Variants in FALEC observed in about 807,000 individuals in gnomAD.
FALEC encodes focally amplified lncRNA regulator of ECM1, also known as focally amplified lncRNA on chromosome 1.
At chr1:150,516,403 C>T (rs1670570373) in intron 1 of FALEC, among the ~76,000 whole-genome samples, 1 of 152,106 alleles carries the variant, frequency 6.6e-6, no homozygotes, top group Non-Finnish European at 1.5e-5. Context: ...TTTAGTCTGT[C>T]GGGGAGGAGA....
At chr1:150,532,682 C>T in the FALEC span, among the ~76,000 whole-genome samples, 5 of 151,908 alleles carry the variant, frequency 3.3e-5, no homozygotes, top group African/African-American at 9.7e-5. Flanking sequence ...ATAGTGTGTG[C>T]GCCAGGCCCT....
the FALEC span, among the ~76,000 whole-genome samples, chr1:150,529,041 C>CAAAAAAAAAAAAAAG: frequency 1.7e-5 from 1 of 58,676 alleles, no homozygotes; most frequent in Admixed American, 1.4e-4. Context: ...AAAAAAAAAT[C>CAAAAAAAAAAAAAAG]AAAGGATCTA....
the FALEC span, among the ~76,000 whole-genome samples, chr1:150,533,728 T>C: frequency 1.4e-3 from 217 of 152,102 alleles, no homozygotes; most frequent in Non-Finnish European, 2.1e-3. Flanking sequence ...TGAGCCACCG[T>C]GCCCAGCCTG....
the FALEC span, among the ~76,000 whole-genome samples, chr1:150,531,618 A>G: frequency 3.9e-5 from 6 of 152,250 alleles, no homozygotes; most frequent in Admixed American, 2.6e-4. Context: ...CTCTAGTGAC[A>G]ATCCAGGAAG....
At chr1:150,522,088 T>G (rs1028525467), downstream of FALEC, among the ~76,000 whole-genome samples, 7 of 151,404 alleles carry the variant, frequency 4.6e-5, no homozygotes, top group Non-Finnish European at 8.8e-5. Context: ...CTACTAAAAA[T>G]ACAAAAAAAT....
chr1:150,519,965 C>T (rs1312620213), downstream of FALEC, among the ~76,000 whole-genome samples: 2 of 152,020 alleles, frequency 1.3e-5, no homozygotes, highest in Non-Finnish European at 2.9e-5. Flanking sequence ...CCAGCCTGAC[C>T]ATGGAGAAAC....
chr1:150,534,250 C>T, the FALEC span, among the ~76,000 whole-genome samples: 6 of 152,170 alleles, frequency 3.9e-5, no homozygotes, highest in Admixed American at 3.3e-4. Flanking sequence ...TGCAGCTGCC[C>T]TGCAGGTGTG....
chr1:150,531,587 T>G, the FALEC span, among the ~76,000 whole-genome samples: 34,425 of 152,106 alleles, frequency 0.23, 4,133 homozygotes, highest in East Asian at 0.43. Flanking sequence ...AAATCAGGCC[T>G]GCAAGAAGCC....
At chr1:150,522,967 A>ATTTTTT (rs1435955699), downstream of FALEC, among the ~76,000 whole-genome samples, 1 of 35,852 alleles carries the variant, frequency 2.8e-5, no homozygotes, top group Non-Finnish European at 5.5e-5. Context: ...ATATATATAT[A>ATTTTTT]TATATATATA....
At chr1:150,518,599 G>A (rs1273067102), downstream of FALEC, among the ~76,000 whole-genome samples, 2 of 151,362 alleles carry the variant, frequency 1.3e-5, no homozygotes, top group Non-Finnish European at 2.9e-5. Flanking sequence ...TGTCGTTCAG[G>A]CTAGTCCCGA....
chr1:150,525,506 A>T, the FALEC span, among the ~76,000 whole-genome samples: 1 of 152,186 alleles, frequency 6.6e-6, no homozygotes, highest in African/African-American at 2.4e-5. Context: ...CTGGAAAAAA[A>T]AAATCCAGTC....
At chr1:150,528,175 G>T in the FALEC span, among the ~76,000 whole-genome samples, 2 of 152,090 alleles carry the variant, frequency 1.3e-5, no homozygotes, top group African/African-American at 4.8e-5. Flanking sequence ...AAAGAGAGCT[G>T]TTGAGGAACC....
At chr1:150,527,059 C>A in the FALEC span, among the ~76,000 whole-genome samples, 1 of 151,346 alleles carries the variant, frequency 6.6e-6, no homozygotes, top group Non-Finnish European at 1.5e-5. Context: ...TCTCAGCCTC[C>A]CTCCCGAGAA....
the FALEC span, among the ~76,000 whole-genome samples, chr1:150,530,042 G>A: frequency 6.6e-6 from 1 of 152,172 alleles, no homozygotes; most frequent in East Asian, 1.9e-4. Context: ...TGGATCCACT[G>A]CTGTGGATCA....
chr1:150,522,962 TATATATATATATATATATA>T (rs1670673215), downstream of FALEC, among the ~76,000 whole-genome samples: 2 of 29,548 alleles, frequency 6.8e-5, no homozygotes, highest in South Asian at 1.7e-3. Flanking sequence ...TATATATATA[TATATATATATATATATATA>T]TATTTTTTTT....
the FALEC span, among the ~76,000 whole-genome samples, chr1:150,534,708 G>T: frequency 1.3e-5 from 2 of 152,072 alleles, no homozygotes; most frequent in East Asian, 3.9e-4. Flanking sequence ...TGGGTGTGGT[G>T]GCGCGTGGCT....
the FALEC span, among the ~76,000 whole-genome samples, chr1:150,529,833 A>G: frequency 6.6e-6 from 1 of 152,048 alleles, no homozygotes; most frequent in Non-Finnish European, 1.5e-5. Context: ...TCCTGACCTC[A>G]TGATCCGCCC....
At chr1:150,527,671 G>A in the FALEC span, among the ~76,000 whole-genome samples, 5 of 151,962 alleles carry the variant, frequency 3.3e-5, no homozygotes, top group Non-Finnish European at 7.4e-5. Flanking sequence ...CCAATATGGC[G>A]AAACCCCACC....
At chr1:150,518,760 C>A (rs587621939), downstream of FALEC, among the ~76,000 whole-genome samples, 24 of 152,052 alleles carry the variant, frequency 1.6e-4, no homozygotes, top group African/African-American at 4.6e-4. Context: ...GTTAACATAA[C>A]CTTTGAAAAT....
Sources: allele counts gnomAD v4.1 joint callset (sites outside exome capture counted in the v4.1 genomes callset), GRCh38; gene constraint gnomAD v4.1.1; transcripts MANE v1.5; gene names NCBI Gene and HGNC (gene_info 2026-07-23, HGNC 2026-07-21).